Variants in ADGRL3 observed in about 807,000 individuals in gnomAD.
ADGRL3 encodes calcium-independent alpha-latrotoxin receptor 3.
ADGRL3 carries 62 observed loss-of-function variants against 153.5 expected under a neutral mutation model. The ratio of observed to expected loss-of-function variants is 0.40; its 90% CI spans 0.33 to 0.50. The LOEUF (loss-of-function observed/expected upper bound fraction) is 0.50. ADGRL3 is among the 20% of genes least tolerant of loss of function. The pLI, the probability that ADGRL3 is intolerant of heterozygous loss-of-function variation, is 0.47. For missense variants in ADGRL3, 1,641 were observed against 1,859.4 expected, an observed-to-expected ratio of 0.88 and a Z score of 2.16; for synonymous variants, 710 against 672.5, an observed-to-expected ratio of 1.06 and a Z score of -0.86.
chr4:61,636,734 G>C (rs1287147307), intron 5 of ADGRL3, among the ~76,000 whole-genome samples: 1 of 151,066 alleles, frequency 6.6e-6, no homozygotes, highest in Non-Finnish European at 1.5e-5. Flanking sequence ...AATATAATAT[G>C]TATGTGCATA....
chr4:61,378,567 A>G (rs1440684513), intron 1 of ADGRL3, among the ~76,000 whole-genome samples: 2 of 152,058 alleles, frequency 1.3e-5, no homozygotes, highest in East Asian at 3.8e-4. Context: ...AGGGGATCAC[A>G]TTAGCTGACA....
At chr4:61,528,529 C>T (rs780495214) in intron 4 of ADGRL3, among the ~76,000 whole-genome samples, 15 of 152,016 alleles carry the variant, frequency 9.9e-5, no homozygotes, top group Non-Finnish European at 7.4e-5. Context: ...TTTGGAGATA[C>T]GTGCCACCAT....
At chr4:62,003,617 G>A (rs1487600722) in intron 21 of ADGRL3, among the ~76,000 whole-genome samples, 1 of 152,128 alleles carries the variant, frequency 6.6e-6, no homozygotes, top group Non-Finnish European at 1.5e-5. Context: ...GTAGAGGATG[G>A]TTTGAATATT....
At chr4:61,286,180 T>C (rs961054798) in intron 1 of ADGRL3, among the ~76,000 whole-genome samples, 1 of 151,530 alleles carries the variant, frequency 6.6e-6, no homozygotes, top group Non-Finnish European at 1.5e-5. Flanking sequence ...ATATTGTATA[T>C]TTTTAAAAAT....
At chr4:61,884,546 C>A (rs1241733821) in intron 9 of ADGRL3, among the ~76,000 whole-genome samples, 1 of 152,090 alleles carries the variant, frequency 6.6e-6, no homozygotes, top group Non-Finnish European at 1.5e-5. Context: ...CTGCCGTAAA[C>A]AAAAATAAAT....
intron 9 of ADGRL3, among the ~76,000 whole-genome samples, chr4:61,860,229 T>C (rs56957332): frequency 0.076 from 11,596 of 152,052 alleles, 891 homozygotes; most frequent in African/African-American, 0.19. Context: ...GGTGTGCATG[T>C]GTGTATGTTT....
At position 61,934,933 on chromosome 4, in the gene ADGRL3, A is replaced by G; in HGVS notation, c.2206A>G (p.Met736Val). The G allele has an allele frequency of 6.2e-7, 1 of 1,613,824 alleles. No individual in the cohort carries two copies. Among genetic ancestry groups the G allele is most frequent in the Non-Finnish European group, 8.5e-7 (1 of 1,179,814 alleles). The change falls in exon 14 of 27, where the codon ATG (methionine) becomes GTG (valine). Residue 736 changes from methionine to valine, a missense_variant. Physicochemically the swap from Met to Val is conservative, Grantham distance 21. Coordinates refer to ENST00000683033, the MANE Select transcript of ADGRL3 (RefSeq NM_001387552.1). ...GAGTGATCAGCTGCGTGCGGCCACCATGTTGCTTCATACTGTGGAGGAAAG... is the reference window on the plus strand; with the variant it reads ...GAGTGATCAGCTGCGTGCGGCCACCGTGTTGCTTCATACTGTGGAGGAAAG... ...TTSDQLRAAT[M>V]LLHTVEESAF...
intron 9 of ADGRL3, among the ~76,000 whole-genome samples, chr4:61,873,209 C>T (rs1025878145): frequency 6.6e-6 from 1 of 152,148 alleles, no homozygotes; most frequent in African/African-American, 2.4e-5. Context: ...CAGAAAGCAA[C>T]TGGACACTGG....
At chr4:61,473,346 G>A (rs2097993612) in intron 2 of ADGRL3, among the ~76,000 whole-genome samples, 2 of 151,818 alleles carry the variant, frequency 1.3e-5, no homozygotes, top group African/African-American at 4.8e-5. Flanking sequence ...TGTACCCTGG[G>A]TACTGTACAC....
intron 4 of ADGRL3, among the ~76,000 whole-genome samples, chr4:61,576,333 A>G (rs1329273937): frequency 1.3e-5 from 2 of 151,780 alleles, no homozygotes; most frequent in Non-Finnish European, 2.9e-5. Context: ...TTTTGAGGGT[A>G]TATTTTGCCT....
rs115526341 is a variant in ADGRL3 at position 61,398,340 on chromosome 4, A to G, written c.-174+15151A>G. On this transcript the variant is annotated intron_variant, in intron 2 of 26. Transcript: ENST00000683033. ...CCTTCATTAAATATCATGGAGTGAG[A>G]ATGATGAGCCTTCGTAAATGTATTG... Among the ~76,000 whole-genome samples the G allele has an allele frequency of 7.3e-3, 1,113 of 151,900 alleles. 15 individuals are homozygous for G. Among genetic ancestry groups the G allele is most frequent in the African/African-American group, 0.023 (966 of 41,514 alleles).
chr4:61,718,584 G>T (rs2096174116), intron 6 of ADGRL3, among the ~76,000 whole-genome samples: 1 of 152,028 alleles, frequency 6.6e-6, no homozygotes, highest in African/African-American at 2.4e-5. Flanking sequence ...TACTTACAGT[G>T]AATATAAACA....
At chr4:61,960,055 G>C (rs1176938438) in intron 17 of ADGRL3, among the ~76,000 whole-genome samples, 1 of 152,048 alleles carries the variant, frequency 6.6e-6, no homozygotes, top group Non-Finnish European at 1.5e-5. Context: ...AAAAGAAACT[G>C]GTTTCAAAAA....
chr4:61,325,711 T>C (rs1309540463), intron 1 of ADGRL3, among the ~76,000 whole-genome samples: 1 of 152,172 alleles, frequency 6.6e-6, no homozygotes, highest in Non-Finnish European at 1.5e-5. Context: ...GCTAATTTTA[T>C]GATACTATTC....
chr4:61,756,693 G>A (rs546612407), intron 8 of ADGRL3, among the ~76,000 whole-genome samples: 1 of 152,140 alleles, frequency 6.6e-6, no homozygotes, highest in South Asian at 2.1e-4. Flanking sequence ...TCCCTGTCTT[G>A]TGCCGGTTTC....
chr4:61,498,582 A>G (rs960449240), intron 3 of ADGRL3, among the ~76,000 whole-genome samples: 1 of 152,054 alleles, frequency 6.6e-6, no homozygotes, highest in Non-Finnish European at 1.5e-5. Flanking sequence ...CAATAACAAA[A>G]TAATATTAAT....
At chr4:62,047,634 G>T (rs925236798) in intron 25 of ADGRL3, among the ~76,000 whole-genome samples, 1 of 152,012 alleles carries the variant, frequency 6.6e-6, no homozygotes, top group African/African-American at 2.4e-5. Flanking sequence ...TTTTCAATGA[G>T]TATATTAATT....
chr4:61,577,511 G>T lies in ADGRL3; in HGVS notation c.260-9716G>T, dbSNP rs868168192. Reference sequence around the variant, plus strand: ...TAAAGAATATTGATGTTTATATACTGCTATGAAAGTATGCTGAGGCCAGAT... The same window carrying T: ...TAAAGAATATTGATGTTTATATACTTCTATGAAAGTATGCTGAGGCCAGAT... On this transcript the variant is annotated intron_variant, in intron 4 of 26. Transcript: ENST00000683033. Among the ~76,000 whole-genome samples the T allele has an allele frequency of 2.0e-5, 3 of 151,880 alleles. No homozygotes were observed. The South Asian group carries it at 6.2e-4, about 31-fold the overall frequency.
rs1026325972 is a variant in ADGRL3, at chr4:61,403,153, A to G, written c.-174+19964A>G. ...CTTCATCCTTATAACACAATAAGAT[A>G]TACATATTTGGTCTGTATTCCAGTT... On this transcript the variant is annotated intron_variant, in intron 2 of 26. Coordinates refer to ENST00000683033, the MANE Select transcript of ADGRL3 (RefSeq NM_001387552.1). 3.3e-5 allele frequency among the ~76,000 whole-genome samples: 5 copies of G among 152,102 alleles called. No individual in the cohort carries two copies. The East Asian group carries it at 9.7e-4, about 29-fold the overall frequency.
Sources: gnomAD v4.1 joint callset for allele counts (sites outside exome capture counted in the v4.1 genomes callset) on GRCh38, gnomAD v4.1.1 for gene constraint, MANE v1.5 for transcripts, NCBI Gene and HGNC (gene_info 2026-07-23, HGNC 2026-07-21) for gene names.